The following RNF213 variants were observed in gnomAD, a reference collection of about 807,000 sequenced individuals.
RNF213 encodes E3 ubiquitin-protein ligase RNF213.
In RNF213, 341 loss-of-function variants were observed where a neutral mutation model predicts 514.4. The ratio of observed to expected loss-of-function variants is 0.66; its 90% CI spans 0.61 to 0.73. RNF213 has a LOEUF of 0.73. Among genes scored for constraint, RNF213 ranks in the 30% least tolerant of loss-of-function variants. The pLI is 0.00. For synonymous variants in RNF213, 2,655 were observed against 2,658.2 expected (o/e 1.00, Z 0.04); for missense variants, 5,767 against 6,615.6 (o/e 0.87, Z 4.45).
At chr17:80,318,675 G>A (rs190670971) in intron 16 of RNF213, among the ~76,000 whole-genome samples, 4,170 of 152,088 alleles carry the variant, frequency 0.027, 81 homozygotes, top group Non-Finnish European at 0.044. Flanking sequence ...CCGGGTTCAC[G>A]CCATTCTCCT....
intron 59 of RNF213, 149 bp from the exon 60 acceptor site, chr17:80,384,890 G>A (rs374468136): frequency 6.5e-5 from 56 of 858,510 alleles, no homozygotes; most frequent in East Asian, 5.8e-4. Context: ...AACTTTTCCC[G>A]TTTTCAAGCT....
In RNF213 at chr17:80,294,807, A is replaced by G. The variant is rs1302355086; in HGVS notation, c.1559A>G (p.Lys520Arg). ...VMNHITDGPR[K>R]DLVKGKQIAA... ...AACCACATCACAGACGGGCCGAGGA[A>G]GGACCTGGTGAAGGGGAAGCAGATT... Residue 520 changes from lysine to arginine, a missense_variant, in exon 9 of 68, where the codon AAG becomes AGG. This residue lies in a region of RNF213 where 592 missense variants were observed against 673.9 expected (regional missense o/e 0.88). Transcript: ENST00000582970. 6.2e-7 allele frequency: 1 copy of G among 1,614,224 alleles called. No individual in the cohort carries two copies. The highest frequency in any genetic ancestry group is 8.5e-7 in the Non-Finnish European group (1 of 1,180,038).
chr17:80,371,672 G>C (rs1322112255), intron 46 of RNF213: 1 of 486,268 alleles, frequency 2.1e-6, no homozygotes, highest in Non-Finnish European at 3.7e-6. Context: ...TTTGAGGACA[G>C]CTGGTCTAAA....
intron 2 of RNF213, among the ~76,000 whole-genome samples, chr17:80,269,595 CCTAT>C (rs141715222): frequency 0.041 from 6,197 of 151,932 alleles, 136 homozygotes; most frequent in Non-Finnish European, 0.058. Flanking sequence ...ATCCGTCCAT[CCTAT>C]CTGTTTATCT....
rs779112614 is a variant in RNF213, at chr17:80,380,958, C to T, written c.13768C>T (p.Leu4590=). 3.7e-6 allele frequency: 6 copies of T among 1,614,228 alleles called. No homozygotes were observed. In the East Asian group the frequency reaches 6.7e-5, roughly 18 times the overall value. The change falls in exon 56 of 68, where the codon CTG becomes TTG. Residue 4590 remains leucine (L), a synonymous_variant. Transcript: ENST00000582970. ...TATCCGGCTACTCACTCACTTGGCTCTGCTTCTGGGAGCGTCCCAGAGTTC... is the reference window on the plus strand; with the variant it reads ...TATCCGGCTACTCACTCACTTGGCTTTGCTTCTGGGAGCGTCCCAGAGTTC... ...LLIRLLTHLA[L]LLGASQSSQA...
intron 46 of RNF213, among the ~76,000 whole-genome samples, chr17:80,371,435 T>C (rs2079514924): frequency 6.6e-6 from 1 of 152,262 alleles, no homozygotes; most frequent in Non-Finnish European, 1.5e-5. Context: ...AGCACAGGAA[T>C]GGAAGACCAA....
At position 80,377,605 on chromosome 17, in the gene RNF213, C is replaced by G; in HGVS notation, c.13511-157C>G. On this transcript the variant is annotated intron_variant, in intron 53 of 67. Coordinates refer to ENST00000582970, the MANE Select transcript of RNF213 (RefSeq NM_001256071.3). This position sits in a 1 kb window ranked among gnomAD's most constrained non-coding sequence, Gnocchi z 4.1. ...CAACATACATTTATTAAGCTTCAGG[C>G]AGGTGTCATGTAACTTAACAAATTA... 1.3e-6 allele frequency: 1 copy of G among 789,474 alleles called. No individual in the cohort carries two copies. Among genetic ancestry groups the G allele is most frequent in the East Asian group, 2.5e-5 (1 of 40,682 alleles). The allele number at this position is 789,474 out of a possible 1,614,324, so 48.9% of individuals were successfully genotyped here. A position where few individuals can be genotyped will look rare whatever the true frequency, so the allele number is the denominator to read the frequency against.
intron 17 of RNF213, among the ~76,000 whole-genome samples, chr17:80,323,032 T>G (rs896012002): frequency 6.6e-6 from 1 of 152,250 alleles, no homozygotes; most frequent in Admixed American, 6.5e-5. Context: ...TGTAGGCCTT[T>G]GATCCATTTT....
rs1217175114 is a variant in RNF213 at position 80,367,941 on chromosome 17, T to C, written c.11973-20T>C. On this transcript the variant is annotated intron_variant, in intron 43 of 67. Coordinates refer to ENST00000582970, the MANE Select transcript of RNF213 (RefSeq NM_001256071.3). ...GCCAGTTTCTCTGCTTCAGAACTGA[T>C]TGCCCTTCTTGGATTCTAGGTTTGG... 3 of 1,614,118 alleles carry C rather than the reference T, an allele frequency of 1.9e-6. No homozygotes were observed. The highest frequency in any genetic ancestry group is 2.5e-6 in the Non-Finnish European group (3 of 1,180,034).
In RNF213 at chr17:80,332,516, T is replaced by C; in HGVS notation, c.4028T>C (p.Ile1343Thr). 1 of 1,537,026 alleles carries C rather than the reference T, an allele frequency of 6.5e-7. No homozygotes were observed. Among genetic ancestry groups the C allele is most frequent in the Non-Finnish European group, 8.7e-7 (1 of 1,146,822 alleles). ...TGGATCAAGGACCGAGTCGAACAGATCAAGGAATACCATCACCTGCACCAG... is the reference window on the plus strand; with the variant it reads ...TGGATCAAGGACCGAGTCGAACAGACCAAGGAATACCATCACCTGCACCAG... ...RDWIKDRVEQ[I>T]KEYHHLHQAV... Residue 1343 changes from isoleucine to threonine, a missense_variant, in exon 21 of 68, where the codon ATC (isoleucine) becomes ACC (threonine). By Grantham distance (89) the Ile-to-Thr change is moderately conservative. This residue lies in a region of RNF213 where 516 missense variants were observed against 566.5 expected (regional missense o/e 0.91). Transcript: ENST00000582970.
In RNF213 at chr17:80,288,216, C is replaced by G; in HGVS notation, c.663C>G (p.Thr221=). 6.2e-7 allele frequency: 1 copy of G among 1,613,106 alleles called. No individual in the cohort carries two copies. The highest frequency in any genetic ancestry group is 8.5e-7 in the Non-Finnish European group (1 of 1,179,832). ...GCAGAGGCCTGTCCCAGGAGGGGAC[C>G]GGTCCCCCCACCTCTGCTGGTGAAG... ...SGGRGLSQEG[T]GPPTSAGEGH... is the part of the protein sequence containing the mutation. Residue 221 remains threonine (T), a synonymous_variant, in exon 4 of 68, where the codon ACC becomes ACG. Coordinates refer to ENST00000582970, the MANE Select transcript of RNF213 (RefSeq NM_001256071.3). The surrounding 1 kb of genome is among the most constrained non-coding windows in gnomAD (Gnocchi z 4.9).
intron 17 of RNF213, among the ~76,000 whole-genome samples, chr17:80,322,477 G>C (rs1408893456): frequency 6.6e-6 from 1 of 152,142 alleles, no homozygotes; most frequent in African/African-American, 2.4e-5. Context: ...TTGGGAGGCT[G>C]AGGCCAGAGA....
intron 36 of RNF213, among the ~76,000 whole-genome samples, chr17:80,356,928 T>G (rs892724502): frequency 6.6e-6 from 1 of 151,622 alleles, no homozygotes; most frequent in Non-Finnish European, 1.5e-5. Context: ...GTGGGGTTTT[T>G]TTTTTTTCGA....
chr17:80,343,193 T>G lies in RNF213; in HGVS notation c.6051T>G (p.Asn2017Lys). The change falls in exon 27 of 68, where the codon AAT becomes AAG. Residue 2017 changes from asparagine (N) to lysine (K), a missense_variant. By Grantham distance (94) the Asn-to-Lys change is moderately conservative. Coordinates refer to ENST00000582970, the MANE Select transcript of RNF213 (RefSeq NM_001256071.3). The surrounding 1 kb of genome is among the most constrained non-coding windows in gnomAD (Gnocchi z 4.3). Reference sequence around the variant, plus strand: ...TGAAGATGCAGTTAAACGTGAAAAATGTGCCTCTGAAAACAATTCGACTGA... The same window carrying G: ...TGAAGATGCAGTTAAACGTGAAAAAGGTGCCTCTGAAAACAATTCGACTGA... ...DKMKMQLNVK[N>K]VPLKTIRLID... 1 of 1,613,932 alleles carries G rather than the reference T, an allele frequency of 6.2e-7. No individual in the cohort carries two copies. Among genetic ancestry groups the G allele is most frequent in the Non-Finnish European group, 8.5e-7 (1 of 1,179,956 alleles).
intron 49 of RNF213, 120 bp downstream of exon 49, chr17:80,373,285 C>A: frequency 1.4e-6 from 1 of 710,718 alleles, no homozygotes; most frequent in Non-Finnish European, 2.3e-6. Context: ...CTCACACCTT[C>A]CCCACCACAT....
intron 67 of RNF213, among the ~76,000 whole-genome samples, chr17:80,392,956 G>A (rs2080539816): frequency 6.6e-6 from 1 of 151,146 alleles, no homozygotes. Context: ...AACATGAGGG[G>A]ACTGATTGGT....
At chr17:80,284,567 T>TTTGAA (rs1007467233) in intron 3 of RNF213, among the ~76,000 whole-genome samples, 4 of 151,378 alleles carry the variant, frequency 2.6e-5, no homozygotes, top group Non-Finnish European at 4.4e-5. Context: ...AAAAAAAGCC[T>TTTGAA]TTGAATTGCA....
In RNF213 at chr17:80,317,101, C is replaced by A; in HGVS notation, c.2812-87C>A. The A allele has an allele frequency of 1.4e-6, 2 of 1,412,814 alleles. No homozygotes were observed. The highest frequency in any genetic ancestry group is 2.0e-6 in the Non-Finnish European group (2 of 1,013,678). The allele number at this position is 1,412,814 out of a possible 1,614,324, so 87.5% of individuals were successfully genotyped here. A position where few individuals can be genotyped will look rare whatever the true frequency, so the allele number is the denominator to read the frequency against. On this transcript the variant is annotated intron_variant, in intron 15 of 67. Transcript: ENST00000582970. The surrounding 1 kb of genome is among the most constrained non-coding windows in gnomAD (Gnocchi z 4.1). ...CGGAGTCCCGCGCTCTCTGTATTGC[C>A]GTAATGCTCTGTCTTTCTCCTTTCA...
rs994484670 is a variant in RNF213 at position 80,287,823 on chromosome 17, G to C, written c.270G>C (p.Lys90Asn). The change falls in exon 4 of 68, where the codon AAG (lysine) becomes AAC (asparagine). Residue 90 changes from lysine to asparagine, a missense_variant. By Grantham distance (94) the Lys-to-Asn change is moderately conservative. Around this residue, in one of 13 missense-constraint regions of RNF213, gnomAD observed 509 missense variants for 496.7 expected, o/e 1.02. Coordinates refer to ENST00000582970, the MANE Select transcript of RNF213 (RefSeq NM_001256071.3). ...TCTCTCTTTCTGTTTAGAGCAAAAA[G>C]AAGAAAAGGAAGAAGAAAAAGAAGG... Reference protein sequence around the residue: ...KASWTVQESKKKKRKKKKKGN... With the variant: ...KASWTVQESKNKKRKKKKKGN... The C allele has an allele frequency of 1.2e-6, 2 of 1,612,782 alleles. No homozygotes were observed. The highest frequency in any genetic ancestry group is 1.7e-6 in the Non-Finnish European group (2 of 1,179,366).
Sources: gnomAD v4.1 joint callset for allele counts (sites outside exome capture counted in the v4.1 genomes callset) on GRCh38, gnomAD v4.1.1 for gene constraint, gnomAD v4.1.1 regional missense constraint, Gnocchi (gnomAD v3.1) non-coding constraint, MANE v1.5 for transcripts, NCBI Gene and HGNC (gene_info 2026-07-23, HGNC 2026-07-21) for gene names.